Variants in PDE4D observed in about 807,000 individuals in gnomAD.
PDE4D encodes 3',5'-cyclic-AMP phosphodiesterase 4D.
In PDE4D, 24 loss-of-function variants were observed where a neutral mutation model predicts 87.4. The observed-to-expected ratio is 0.27, with a 90% CI of 0.20 to 0.39. The LOEUF (loss-of-function observed/expected upper bound fraction) is 0.39, where lower values mean the gene tolerates loss of function less well. Among genes scored for constraint, PDE4D ranks in the 10% least tolerant of loss-of-function variants. The pLI is 1.00. For synonymous variants in PDE4D, 384 were observed against 383.2 expected, an observed-to-expected ratio of 1.00 and a Z score of -0.02; for missense variants, 714 against 1,041.0, an observed-to-expected ratio of 0.69 and a Z score of 4.32.
intron 5 of PDE4D, among the ~76,000 whole-genome samples, chr5:59,164,630 C>A (rs985895233): frequency 3.3e-5 from 5 of 152,042 alleles, no homozygotes; most frequent in Admixed American, 2.6e-4. Context: ...CTCACTGCTC[C>A]CCTGGGAAAA....
At chr5:59,423,225 C>T (rs551841159) in intron 1 of PDE4D, among the ~76,000 whole-genome samples, 13 of 152,184 alleles carry the variant, frequency 8.5e-5, no homozygotes, top group Non-Finnish European at 1.5e-4. Flanking sequence ...CATCCTCAGG[C>T]CTCATCATCC....
intron 1 of PDE4D, among the ~76,000 whole-genome samples, chr5:60,312,999 T>A (rs187146537): frequency 3.6e-4 from 55 of 151,950 alleles, no homozygotes; most frequent in Non-Finnish European, 5.9e-4. Flanking sequence ...TTTAACAACA[T>A]AACATCACAC....
At chr5:60,382,801 A>G (rs1331431417) in intron 1 of PDE4D, among the ~76,000 whole-genome samples, 1 of 152,156 alleles carries the variant, frequency 6.6e-6, no homozygotes, top group Non-Finnish European at 1.5e-5. Context: ...AGATTTATGA[A>G]TTGGTTCTAG....
chr5:60,090,063 T>G (rs1164650563), intron 2 of PDE4D, among the ~76,000 whole-genome samples: 31 of 152,096 alleles, frequency 2.0e-4, no homozygotes, highest in Non-Finnish European at 1.5e-5. Flanking sequence ...ATCTGACAGC[T>G]TCACTGCTGA....
At chr5:60,401,133 C>T (rs528186440) in intron 1 of PDE4D, among the ~76,000 whole-genome samples, 21 of 152,190 alleles carry the variant, frequency 1.4e-4, no homozygotes, top group African/African-American at 3.4e-4. Flanking sequence ...ATTTTAAATA[C>T]GGGGAAGATG....
intron 1 of PDE4D, among the ~76,000 whole-genome samples, chr5:59,450,825 T>G (rs1799039714): frequency 6.6e-6 from 1 of 152,182 alleles, no homozygotes; most frequent in Admixed American, 6.5e-5. Context: ...GTGCTTTGGT[T>G]CTTTGTCCTT....
intron 5 of PDE4D, among the ~76,000 whole-genome samples, chr5:59,046,009 T>G (rs927856556): frequency 6.6e-6 from 1 of 152,202 alleles, no homozygotes; most frequent in Non-Finnish European, 1.5e-5. Context: ...CAATGTGACT[T>G]GAAAGGGAGT....
At chr5:59,800,671 T>C (rs1199277108) in intron 1 of PDE4D, among the ~76,000 whole-genome samples, 1 of 151,818 alleles carries the variant, frequency 6.6e-6, no homozygotes, top group African/African-American at 2.4e-5. Flanking sequence ...TGCTATTGTA[T>C]AGCTGGCATA....
chr5:59,156,318 A>ATATATATATATAT (rs530343458), intron 5 of PDE4D, among the ~76,000 whole-genome samples: 425 of 21,128 alleles, frequency 0.02, 3 homozygotes, highest in Non-Finnish European at 0.033. Flanking sequence ...AGAAAAAAAA[A>ATATATATATATAT]AAATATATAT....
intron 2 of PDE4D, among the ~76,000 whole-genome samples, chr5:60,163,341 T>G (rs1011453795): frequency 1.3e-5 from 2 of 152,142 alleles, no homozygotes; most frequent in African/African-American, 2.4e-5. Flanking sequence ...TTCTACATAT[T>G]TTTTTCACTG....
At position 60,200,287 on chromosome 5, in the gene PDE4D, T is replaced by C. The variant is rs1351677641; in HGVS notation, c.-89-14600A>G. Among the ~76,000 whole-genome samples, 3 of 151,660 alleles carry C rather than the reference T, an allele frequency of 2.0e-5. 1 individual carries two copies. The highest frequency in any genetic ancestry group is 4.8e-5 in the African/African-American group (2 of 41,396). On this transcript the variant is annotated intron_variant, in intron 1 of 16. Coordinates refer to the PDE4D transcript ENST00000502484. ...AATCATCACAAGATTACATGGCTAG[T>C]AAGTATAAATCCAGGATATGTATGT...
chr5:60,124,050 G>A (rs1203400258), intron 2 of PDE4D, among the ~76,000 whole-genome samples: 6 of 152,030 alleles, frequency 3.9e-5, no homozygotes, highest in African/African-American at 7.2e-5. Context: ...AAATTTGAAC[G>A]TAACACTTAA....
rs565847635 is a variant in PDE4D, at chr5:59,648,271, C to T, written c.455+244897G>A. The stretch of plus-strand genomic sequence containing the variant: ...GTGCTCAGGAGATATATTCACTGAC[C>T]AATTCCCCAAGTGCTCATGTGTGAG... On this transcript the variant is annotated intron_variant, in intron 1 of 14. Coordinates refer to ENST00000340635, the MANE Select transcript of PDE4D (RefSeq NM_001104631.2). Among the ~76,000 whole-genome samples, 288 of 152,164 alleles carry T rather than the reference C, an allele frequency of 1.9e-3. 1 individual carries two copies. Among genetic ancestry groups the T allele is most frequent in the Non-Finnish European group, 3.7e-3 (253 of 67,996 alleles).
intron 1 of PDE4D, among the ~76,000 whole-genome samples, chr5:59,393,273 G>T (rs1033718061): frequency 6.6e-6 from 1 of 152,130 alleles, no homozygotes; most frequent in Admixed American, 6.6e-5. Context: ...CAGAGATGGG[G>T]ACTCAATTTT....
intron 1 of PDE4D, among the ~76,000 whole-genome samples, chr5:59,710,292 T>G (rs1235012704): frequency 3.3e-5 from 5 of 152,092 alleles, no homozygotes; most frequent in Non-Finnish European, 7.4e-5. Context: ...GTACTTAGCA[T>G]GAGAGGCAGG....
At chr5:60,230,750 A>C (rs1745712289) in intron 1 of PDE4D, among the ~76,000 whole-genome samples, 1 of 152,154 alleles carries the variant, frequency 6.6e-6, no homozygotes, top group Non-Finnish European at 1.5e-5. Flanking sequence ...AAAGGTCTCA[A>C]CCACTATTTT....
intron 3 of PDE4D, among the ~76,000 whole-genome samples, chr5:59,932,359 A>T (rs527326344): frequency 6.6e-6 from 1 of 152,312 alleles, no homozygotes; most frequent in Admixed American, 6.5e-5. Context: ...GGGATAATAG[A>T]GAGAGCTGAC....
intron 1 of PDE4D, among the ~76,000 whole-genome samples, chr5:59,547,933 G>A (rs1397528569): frequency 1.3e-5 from 2 of 152,128 alleles, no homozygotes; most frequent in African/African-American, 2.4e-5. Flanking sequence ...TGGAACTACT[G>A]GGAGATGTAT....
At chr5:60,392,724 T>C (rs74438179) in intron 1 of PDE4D, among the ~76,000 whole-genome samples, 11 of 152,266 alleles carry the variant, frequency 7.2e-5, no homozygotes, top group African/African-American at 2.2e-4. Flanking sequence ...CACCCTGAAA[T>C]TCCCAATATC....
Sources: gnomAD v4.1 joint callset for allele counts (sites outside exome capture counted in the v4.1 genomes callset) on GRCh38, gnomAD v4.1.1 for gene constraint, MANE v1.5 for transcripts, NCBI Gene and HGNC (gene_info 2026-07-23, HGNC 2026-07-21) for gene names.